Variants in KIF16B observed in about 807,000 individuals in gnomAD.
KIF16B encodes the protein kinesin-like protein KIF16B.
A neutral mutation model predicts 156.3 loss-of-function variants in KIF16B; 98 were observed. The observed-to-expected ratio is 0.63, with a 90% CI of 0.53 to 0.74. The LOEUF (loss-of-function observed/expected upper bound fraction) is 0.74. Ranked by LOEUF, KIF16B falls within the 30% of genes least tolerant of loss-of-function variation. The pLI is 0.00. For synonymous variants in KIF16B, 564 were observed against 583.7 expected, an observed-to-expected ratio of 0.97 and a Z score of 0.49; for missense variants, 1,421 against 1,606.5, an observed-to-expected ratio of 0.88 and a Z score of 1.97.
At chr20:16,331,480 T>C (rs2063947404) in intron 24 of KIF16B, among the ~76,000 whole-genome samples, 1 of 152,232 alleles carries the variant, frequency 6.6e-6, no homozygotes, top group African/African-American at 2.4e-5. Flanking sequence ...TCTGTATATT[T>C]TGAATTCCAG....
chr20:16,457,840 C>T (rs957695218), intron 12 of KIF16B, among the ~76,000 whole-genome samples: 2 of 151,574 alleles, frequency 1.3e-5, no homozygotes, highest in African/African-American at 4.9e-5. Flanking sequence ...CACGCCGGCA[C>T]ACTGGTCCAA....
intron 25 of KIF16B, among the ~76,000 whole-genome samples, chr20:16,306,893 G>A (rs1416942424): frequency 6.6e-6 from 1 of 152,002 alleles, no homozygotes; most frequent in Non-Finnish European, 1.5e-5. Context: ...CTAGGAAAAT[G>A]GTATTATTAT....
intron 12 of KIF16B, among the ~76,000 whole-genome samples, chr20:16,437,006 G>A (rs2066657715): frequency 6.6e-6 from 1 of 152,142 alleles, no homozygotes; most frequent in South Asian, 2.1e-4. Flanking sequence ...ACGTAAAATG[G>A]CGTAGTACTT....
intron 25 of KIF16B, among the ~76,000 whole-genome samples, chr20:16,288,650 GTA>G (rs1187423896): frequency 1.1e-4 from 16 of 150,680 alleles, no homozygotes; most frequent in African/African-American, 3.7e-4. Flanking sequence ...AACACAGTAT[GTA>G]CTGATGATAA....
intron 15 of KIF16B, among the ~76,000 whole-genome samples, chr20:16,424,694 C>A (rs1286188546): frequency 6.6e-6 from 1 of 152,066 alleles, no homozygotes; most frequent in East Asian, 1.9e-4. Context: ...ATGGCATGGG[C>A]TGAGAAAAGT....
chr20:16,476,197 T>C (rs1330274774), intron 12 of KIF16B, among the ~76,000 whole-genome samples: 1 of 152,198 alleles, frequency 6.6e-6, no homozygotes, highest in Non-Finnish European at 1.5e-5. Context: ...AGAACAACAT[T>C]TATTCCCATT....
chr20:16,494,220 A>G, intron 12 of KIF16B, 71 bp downstream of exon 12: 1 of 144,346 alleles, frequency 6.9e-6, no homozygotes, highest in Admixed American at 7.3e-5. Flanking sequence ...TTTGGAGATT[A>G]AAAAAAAAAA....
At chr20:16,558,147 G>A (rs1233833573) in intron 1 of KIF16B, among the ~76,000 whole-genome samples, 1 of 152,198 alleles carries the variant, frequency 6.6e-6, no homozygotes, top group East Asian at 1.9e-4. Context: ...GCGGACATCT[G>A]GAGAAAGAAC....
intron 1 of KIF16B, among the ~76,000 whole-genome samples, chr20:16,551,226 GT>G (rs2070648948): frequency 6.6e-6 from 1 of 151,068 alleles, no homozygotes; most frequent in African/African-American, 2.4e-5. Flanking sequence ...CCGCCTCCTG[GT>G]TCAAGCAATT....
At chr20:16,471,275 G>A (rs1325814814) in intron 12 of KIF16B, among the ~76,000 whole-genome samples, 1 of 152,146 alleles carries the variant, frequency 6.6e-6, no homozygotes, top group Non-Finnish European at 1.5e-5. Context: ...AAAATTCCTT[G>A]ATTTGGGAAG....
chr20:16,346,093 T>C (rs944598600), intron 23 of KIF16B, among the ~76,000 whole-genome samples: 1 of 152,104 alleles, frequency 6.6e-6, no homozygotes, highest in African/African-American at 2.4e-5. Flanking sequence ...TGTGTAACAG[T>C]TCCTAATCCA....
At chr20:16,413,754 C>T (rs1344002818) in intron 15 of KIF16B, among the ~76,000 whole-genome samples, 1 of 150,100 alleles carries the variant, frequency 6.7e-6, no homozygotes, top group African/African-American at 2.5e-5. Context: ...AACCAACACA[C>T]ACACATAGGA....
In KIF16B at chr20:16,573,359, C is replaced by T. The variant is rs2071529128; in HGVS notation, c.-84G>A. 7.0e-7 allele frequency: 1 copy of T among 1,433,822 alleles called. No individual in the cohort carries two copies. Among genetic ancestry groups the T allele is most frequent in the Non-Finnish European group, 9.6e-7 (1 of 1,038,930 alleles). 88.8% of individuals were successfully genotyped at this position (1,433,822 alleles called of 1,614,324 possible). ...GCGACGCTGGCTACTCAGATCGCGG[C>T]TCCCGCCCACTTCCCTCTCGCCCCC... On this transcript the variant is annotated 5_prime_UTR_variant, in exon 1 of 26. Transcript: ENST00000354981.
intron 25 of KIF16B, among the ~76,000 whole-genome samples, chr20:16,289,226 C>T (rs936684920): frequency 6.6e-6 from 1 of 152,084 alleles, no homozygotes; most frequent in East Asian, 1.9e-4. Flanking sequence ...AGTCAAAGTA[C>T]GGTTTCTACT....
At chr20:16,511,648 G>A (rs2068959555) in intron 5 of KIF16B, 121 bp from the exon 6 acceptor site, 3 of 612,988 alleles carry the variant, frequency 4.9e-6, no homozygotes, top group Middle Eastern at 4.2e-4. Flanking sequence ...CCATTTATGA[G>A]TGGTGACTGT....
At chr20:16,525,892 T>C (rs1184850113) in intron 3 of KIF16B, among the ~76,000 whole-genome samples, 200 bp downstream of exon 3, 4 of 152,086 alleles carry the variant, frequency 2.6e-5, no homozygotes, top group African/African-American at 7.2e-5. Flanking sequence ...AAAAAATCAA[T>C]CTTTTGAGAA....
intron 25 of KIF16B, among the ~76,000 whole-genome samples, chr20:16,276,126 C>T (rs1011017194): frequency 5.9e-5 from 9 of 152,206 alleles, no homozygotes; most frequent in African/African-American, 1.4e-4. Flanking sequence ...CTGATGTTTA[C>T]AGCAAAGCTG....
At chr20:16,302,648 C>A (rs1458069899) in intron 25 of KIF16B, among the ~76,000 whole-genome samples, 2 of 152,146 alleles carry the variant, frequency 1.3e-5, no homozygotes, top group Non-Finnish European at 1.5e-5. Flanking sequence ...ACATGGAATA[C>A]CTCTTCATTA....
intron 12 of KIF16B, among the ~76,000 whole-genome samples, chr20:16,448,534 G>A (rs1249961573): frequency 2.0e-5 from 3 of 152,182 alleles, no homozygotes; most frequent in African/African-American, 4.8e-5. Flanking sequence ...AAATCCTCCT[G>A]GGCCTGGACA....
Sources: allele counts gnomAD v4.1 joint callset (sites outside exome capture counted in the v4.1 genomes callset), GRCh38; gene constraint gnomAD v4.1.1; transcripts MANE v1.5; gene names NCBI Gene and HGNC (gene_info 2026-07-23, HGNC 2026-07-21).